Variants in ABCD2 observed in about 807,000 individuals in gnomAD.
ABCD2 encodes ATP-binding cassette sub-family D member 2.
In ABCD2, 36 loss-of-function variants were observed where a neutral mutation model predicts 70.9. The ratio of observed to expected loss-of-function variants is 0.51; its 90% CI spans 0.39 to 0.67. The LOEUF (loss-of-function observed/expected upper bound fraction) is 0.67. Among genes scored for constraint, ABCD2 ranks in the 30% least tolerant of loss-of-function variants. The pLI is 0.00. For missense variants in ABCD2, 729 were observed against 890.2 expected (o/e 0.82, Z 2.30); for synonymous variants, 304 against 306.9 (o/e 0.99, Z 0.10).
At chr12:39,545,979 A>G (rs1025749820), downstream of ABCD2, among the ~76,000 whole-genome samples, 8 of 152,162 alleles carry the variant, frequency 5.3e-5, no homozygotes, top group Non-Finnish European at 1.2e-4. Context: ...TTTCTATTGA[A>G]TCAAGGAATT....
intron 9 of ABCD2, among the ~76,000 whole-genome samples, chr12:39,565,241 T>C (rs1346676146): frequency 1.3e-5 from 2 of 152,222 alleles, no homozygotes; most frequent in African/African-American, 2.4e-5. Context: ...TTTCACGATA[T>C]TGATTCTTCC....
intron 9 of ABCD2, 144 bp from the exon 10 acceptor site, chr12:39,554,275 G>GTGATTTT: frequency 2.9e-6 from 2 of 692,372 alleles, no homozygotes; most frequent in Non-Finnish European, 4.6e-6. Context: ...ATATCAAAAA[G>GTGATTTT]TTAAATACTG....
At chr12:39,549,539 T>C (rs542779880), downstream of ABCD2, among the ~76,000 whole-genome samples, 1 of 151,890 alleles carries the variant, frequency 6.6e-6, no homozygotes, top group South Asian at 2.1e-4. Context: ...TCAAAACTTT[T>C]GAAAATTTGC....
chr12:39,565,189 G>T (rs1288167702), intron 9 of ABCD2, among the ~76,000 whole-genome samples: 1 of 152,072 alleles, frequency 6.6e-6, no homozygotes, highest in Non-Finnish European at 1.5e-5. Context: ...GCTTGATGGG[G>T]ATGGCATTGA....
chr12:39,601,065 T>C (rs1450753143), intron 5 of ABCD2, among the ~76,000 whole-genome samples: 2 of 152,074 alleles, frequency 1.3e-5, no homozygotes, highest in African/African-American at 4.8e-5. Flanking sequence ...TATTACATTA[T>C]ATTTTGATAT....
At position 39,586,282 on chromosome 12, in the gene ABCD2, A is replaced by C. The variant is rs1246429329; in HGVS notation, c.1662T>G (p.Leu554=). 2 of 1,612,562 alleles carry C rather than the reference A, an allele frequency of 1.2e-6. No homozygotes were observed. The highest frequency in any genetic ancestry group is 1.7e-5 in the Admixed American group (1 of 59,820). ...AAATGACTTGATCCCGAAGACTTCC[A>C]AGAGACATATATGGCCTTTAAAACA... ...FYIPQRPYMS[L]GSLRDQVIYP... is the part of the protein sequence containing the mutation. The change falls in exon 7 of 10, where the codon CTT becomes CTG. Residue 554 remains leucine (L), a synonymous_variant. Transcript: ENST00000308666.
intron 9 of ABCD2, among the ~76,000 whole-genome samples, chr12:39,571,693 T>A (rs1941451029): frequency 6.6e-6 from 1 of 152,228 alleles, no homozygotes; most frequent in Non-Finnish European, 1.5e-5. Flanking sequence ...CTATTTTAAC[T>A]GAAACTCATT....
At chr12:39,562,873 C>A (rs982589588) in intron 9 of ABCD2, among the ~76,000 whole-genome samples, 13 of 152,236 alleles carry the variant, frequency 8.5e-5, no homozygotes, top group African/African-American at 3.1e-4. Context: ...AAGAAAACTA[C>A]AGGCCAATAT....
At chr12:39,567,604 T>C (rs1285642626) in intron 9 of ABCD2, among the ~76,000 whole-genome samples, 1 of 151,426 alleles carries the variant, frequency 6.6e-6, no homozygotes, top group Admixed American at 6.6e-5. Flanking sequence ...TTTGTGTCTT[T>C]TAATTGGAGC....
intron 6 of ABCD2, among the ~76,000 whole-genome samples, chr12:39,589,955 G>C (rs1422787195): frequency 6.6e-6 from 1 of 152,016 alleles, no homozygotes; most frequent in East Asian, 1.9e-4. Flanking sequence ...TTAAAATAAT[G>C]ATTTTAAAAT....
chr12:39,572,349 T>A (rs1941459424), intron 9 of ABCD2, among the ~76,000 whole-genome samples: 1 of 152,226 alleles, frequency 6.6e-6, no homozygotes. Flanking sequence ...CTCTGTGTTG[T>A]CCTTGATTCA....
chr12:39,537,494 A>G, the ABCD2 span, among the ~76,000 whole-genome samples: 53 of 152,332 alleles, frequency 3.5e-4, no homozygotes, highest in African/African-American at 1.3e-3. Flanking sequence ...AGATTTTAAC[A>G]TTTTCATTTC....
At chr12:39,597,301 A>G (rs1359386375) in intron 6 of ABCD2, among the ~76,000 whole-genome samples, 20 of 152,096 alleles carry the variant, frequency 1.3e-4, no homozygotes, top group Admixed American at 1.3e-3. Flanking sequence ...TATTATTTTG[A>G]TGATTGTTAG....
intron 8 of ABCD2, among the ~76,000 whole-genome samples, chr12:39,577,066 T>C (rs1331716738): frequency 1.3e-5 from 2 of 151,582 alleles, no homozygotes; most frequent in Admixed American, 6.6e-5. Context: ...TTACCAAGAC[T>C]GGGAAAAAAA....
At chr12:39,547,053 A>C (rs1019756725), downstream of ABCD2, among the ~76,000 whole-genome samples, 1 of 152,106 alleles carries the variant, frequency 6.6e-6, no homozygotes, top group Non-Finnish European at 1.5e-5. Flanking sequence ...ATTTGTCTAA[A>C]GATGATATAC....
At chr12:39,572,107 A>G (rs566779644) in intron 9 of ABCD2, among the ~76,000 whole-genome samples, 12 of 152,284 alleles carry the variant, frequency 7.9e-5, no homozygotes, top group Admixed American at 7.2e-4. Flanking sequence ...AGATTTTGTT[A>G]TTTACTTAAA....
At chr12:39,595,769 A>T (rs1443556763) in intron 6 of ABCD2, among the ~76,000 whole-genome samples, 1 of 152,234 alleles carries the variant, frequency 6.6e-6, no homozygotes, top group Non-Finnish European at 1.5e-5. Context: ...GAAACAAAAA[A>T]TAATGAGTGT....
At chr12:39,569,398 G>T (rs1430222516) in intron 9 of ABCD2, among the ~76,000 whole-genome samples, 1 of 152,208 alleles carries the variant, frequency 6.6e-6, no homozygotes, top group Non-Finnish European at 1.5e-5. Flanking sequence ...AATGAGCAAG[G>T]CTCCGTGGGC....
At chr12:39,558,136 G>A (rs1187792230) in intron 9 of ABCD2, among the ~76,000 whole-genome samples, 2 of 152,238 alleles carry the variant, frequency 1.3e-5, no homozygotes, top group African/African-American at 2.4e-5. Context: ...CCCAACTCTT[G>A]CATCAGCAGC....
Sources: gnomAD v4.1 joint callset for allele counts (sites outside exome capture counted in the v4.1 genomes callset) on GRCh38, gnomAD v4.1.1 for gene constraint, MANE v1.5 for transcripts, NCBI Gene and HGNC (gene_info 2026-07-23, HGNC 2026-07-21) for gene names.